KITLG: variants seen among roughly 807,000 people sequenced by gnomAD.
The protein encoded by KITLG is c-Kit ligand.
A neutral mutation model predicts 34.1 loss-of-function variants in KITLG; 13 were observed. The observed-to-expected ratio is 0.38, with a 90% CI of 0.25 to 0.61. The LOEUF (loss-of-function observed/expected upper bound fraction) is 0.61. KITLG is among the 20% of genes least tolerant of loss of function. The pLI is 0.60. For missense variants in KITLG, 292 were observed against 318.9 expected (o/e 0.92, Z 0.64); for synonymous variants, 110 against 104.0 (o/e 1.06, Z -0.35).
Position 88,516,495 on chromosome 12 carries a change from A to C in KITLG, c.364-5T>G, listed in dbSNP as rs772113612. On this transcript the variant is annotated splice_region_variant and splice_polypyrimidine_tract_variant and intron_variant, in intron 4 of 9. Transcript: ENST00000644744. Reference sequence around the variant, plus strand: ...CTTGAATGATTTTTTTAGATCCTAGAAGAAAAAATAGGATTACATTTTTCA... The same window carrying C: ...CTTGAATGATTTTTTTAGATCCTAGCAGAAAAAATAGGATTACATTTTTCA... The C allele has an allele frequency of 6.3e-7, 1 of 1,587,364 alleles. No individual in the cohort carries two copies. Among genetic ancestry groups the C allele is most frequent in the East Asian group, 2.2e-5 (1 of 44,532 alleles).
chr12:88,507,229 A>C, intron 6 of KITLG, 92 bp from the exon 7 acceptor site: 1 of 787,892 alleles, frequency 1.3e-6, no homozygotes, highest in Non-Finnish European at 2.3e-6. Context: ...TTTCTGTAAC[A>C]CATTCTGGAC....
At position 88,496,468 on chromosome 12, in the gene KITLG, T is replaced by C. The variant is rs1384257066; in HGVS notation, c.*751A>G. Reference sequence around the variant, plus strand: ...CTTGGCAGACTGTTCTGATGTTCAGTGTTCTTAACTTCTTCCTGCGATGAC... The same window carrying C: ...CTTGGCAGACTGTTCTGATGTTCAGCGTTCTTAACTTCTTCCTGCGATGAC... On this transcript the variant is annotated 3_prime_UTR_variant, in exon 10 of 10. Transcript: ENST00000644744. 6.6e-6 allele frequency: 1 copy of C among 152,180 alleles called. No individual in the cohort carries two copies. The highest frequency in any genetic ancestry group is 1.5e-5 in the Non-Finnish European group (1 of 68,024). The allele number at this position is 152,180 out of a possible 1,614,324, so 9.4% of individuals were successfully genotyped here.
intron 1 of KITLG, among the ~76,000 whole-genome samples, chr12:88,559,332 A>G (rs1296410620): frequency 6.6e-6 from 1 of 152,162 alleles, no homozygotes; most frequent in African/African-American, 2.4e-5. Flanking sequence ...GTGGGCATGC[A>G]TTTTATTGGC....
chr12:88,528,786 G>A (rs946283899), intron 3 of KITLG, among the ~76,000 whole-genome samples: 7 of 152,196 alleles, frequency 4.6e-5, no homozygotes, highest in African/African-American at 1.7e-4. Flanking sequence ...CTTGAAATAG[G>A]TGAATCTGGA....
At chr12:88,567,007 C>A (rs545588900) in intron 1 of KITLG, among the ~76,000 whole-genome samples, 12 of 152,238 alleles carry the variant, frequency 7.9e-5, no homozygotes, top group African/African-American at 2.6e-4. Flanking sequence ...TGCTAGGACA[C>A]AAATCTTCAG....
At chr12:88,534,803 C>A (rs893546514) in intron 2 of KITLG, 2 of 403,860 alleles carry the variant, frequency 5.0e-6, no homozygotes, top group African/African-American at 4.3e-5. Context: ...TCCATAATTT[C>A]TTTTCTCTTC....
chr12:88,555,554 G>T (rs956524593), intron 1 of KITLG, among the ~76,000 whole-genome samples: 10 of 152,074 alleles, frequency 6.6e-5, no homozygotes, highest in African/African-American at 2.4e-4. Flanking sequence ...ATTTTAAAGG[G>T]TCATGTTACA....
At chr12:88,497,526 A>G (rs962987514) in intron 9 of KITLG, among the ~76,000 whole-genome samples, 1 of 152,200 alleles carries the variant, frequency 6.6e-6, no homozygotes, top group Non-Finnish European at 1.5e-5. Flanking sequence ...ATAGACACTC[A>G]ATAAATATTT....
At position 88,508,223 on chromosome 12, in the gene KITLG, A is replaced by G. The variant is rs114314964; in HGVS notation, c.605-1086T>C. ...AAGGAGCAGAATGATTCACGAATTAAATAAACAAAACACATCTCCCACAAG... is the reference window on the plus strand; with the variant it reads ...AAGGAGCAGAATGATTCACGAATTAGATAAACAAAACACATCTCCCACAAG... On this transcript the variant is annotated intron_variant, in intron 6 of 9. Coordinates refer to ENST00000644744, the MANE Select transcript of KITLG (RefSeq NM_000899.5). Among the ~76,000 whole-genome samples, 815 of 152,208 alleles carry G rather than the reference A, an allele frequency of 5.4e-3. 11 individuals are homozygous for G. Among genetic ancestry groups the G allele is most frequent in the African/African-American group, 0.019 (779 of 41,554 alleles).
chr12:88,552,340 TTTTTC>T (rs1316704048), intron 1 of KITLG, among the ~76,000 whole-genome samples: 34 of 150,264 alleles, frequency 2.3e-4, no homozygotes, highest in African/African-American at 8.0e-4. Context: ...ATGGCTGGCC[TTTTTC>T]TTTTCTTTTT....
chr12:88,566,586 C>T (rs1871450929), intron 1 of KITLG, among the ~76,000 whole-genome samples: 1 of 152,134 alleles, frequency 6.6e-6, no homozygotes, highest in African/African-American at 2.4e-5. Flanking sequence ...ATGCGAGGCC[C>T]TCAGGGCCTT....
At chr12:88,507,617 G>T (rs537530261) in intron 6 of KITLG, among the ~76,000 whole-genome samples, 4 of 152,112 alleles carry the variant, frequency 2.6e-5, no homozygotes, top group Non-Finnish European at 5.9e-5. Flanking sequence ...GTGCACTGTG[G>T]TTATAGTATT....
At chr12:88,501,752 A>G (rs1241848552) in intron 9 of KITLG, among the ~76,000 whole-genome samples, 3 of 152,168 alleles carry the variant, frequency 2.0e-5, no homozygotes, top group African/African-American at 7.2e-5. Flanking sequence ...TCATAGACAC[A>G]TACAAGTTTA....
intron 2 of KITLG, among the ~76,000 whole-genome samples, chr12:88,535,543 G>A (rs1281488406): frequency 6.6e-6 from 1 of 152,050 alleles, no homozygotes; most frequent in Non-Finnish European, 1.5e-5. Context: ...TGTGTGCTGG[G>A]GCTCAGCACA....
At chr12:88,533,298 C>T (rs369604238) in intron 2 of KITLG, among the ~76,000 whole-genome samples, 4 of 152,266 alleles carry the variant, frequency 2.6e-5, no homozygotes, top group African/African-American at 9.6e-5. Context: ...CAAATCTAAA[C>T]TCTGTATGTT....
chr12:88,515,240 A>C (rs961750367), intron 6 of KITLG, among the ~76,000 whole-genome samples: 1 of 151,822 alleles, frequency 6.6e-6, no homozygotes, highest in Non-Finnish European at 1.5e-5. Context: ...TTCCACACAG[A>C]ATATATGTTA....
rs751756316 is a variant in KITLG at position 88,532,421 on chromosome 12, C to T, written c.192+20G>A. 11 of 1,569,946 alleles carry T rather than the reference C, an allele frequency of 7.0e-6. No individual in the cohort carries two copies. The South Asian group carries it at 1.0e-4, about 14-fold the overall frequency. Reference sequence around the variant, plus strand: ...TTCTATGAGCTACTAAAATGAAACTCAGAAATGTAGTTTACATACCAAAAC... The same window carrying T: ...TTCTATGAGCTACTAAAATGAAACTTAGAAATGTAGTTTACATACCAAAAC... On this transcript the variant is annotated intron_variant, in intron 3 of 9. Coordinates refer to ENST00000644744, the MANE Select transcript of KITLG (RefSeq NM_000899.5).
At chr12:88,530,548 A>C (rs191117190) in intron 3 of KITLG, among the ~76,000 whole-genome samples, 198 of 152,210 alleles carry the variant, frequency 1.3e-3, no homozygotes, top group African/African-American at 4.6e-3. Context: ...ATCATTGCCT[A>C]ATTGGTGTGT....
At chr12:88,571,027 G>A (rs1871632940) in intron 1 of KITLG, among the ~76,000 whole-genome samples, 1 of 152,160 alleles carries the variant, frequency 6.6e-6, no homozygotes, top group African/African-American at 2.4e-5. Context: ...AATTTGCTAA[G>A]GGTGTTTATG....
Sources: allele counts gnomAD v4.1 joint callset (sites outside exome capture counted in the v4.1 genomes callset), GRCh38; gene constraint gnomAD v4.1.1; transcripts MANE v1.5; gene names NCBI Gene and HGNC (gene_info 2026-07-23, HGNC 2026-07-21).